Variants in CTIF observed in about 807,000 individuals in gnomAD.
CTIF encodes cap binding complex dependent translation initiation factor.
A neutral mutation model predicts 66.0 loss-of-function variants in CTIF; 21 were observed. The observed-to-expected ratio is 0.32, with a 90% CI of 0.23 to 0.46. The LOEUF is 0.46. Among genes scored for constraint, CTIF ranks in the 20% least tolerant of loss-of-function variants. CTIF has a pLI of 1.00. For missense variants in CTIF, 739 were observed against 812.7 expected (o/e 0.91, Z 1.10); for synonymous variants, 345 against 326.4 (o/e 1.06, Z -0.62).
intron 7 of CTIF, among the ~76,000 whole-genome samples, chr18:48,721,756 C>CA (rs201027171): frequency 3.3e-5 from 5 of 151,478 alleles, no homozygotes; most frequent in African/African-American, 4.9e-5. Flanking sequence ...TGCATCCCCC[C>CA]CTCTCTGTCC....
Position 48,616,550 on chromosome 18 carries a change from G to A in CTIF, c.-28-2988G>A, listed in dbSNP as rs141317430. 3.2e-3 allele frequency among the ~76,000 whole-genome samples: 482 copies of A among 152,282 alleles called. 1 individual carries two copies. Among genetic ancestry groups the A allele is most frequent in the African/African-American group, 0.01 (424 of 41,546 alleles). The stretch of plus-strand genomic sequence containing the variant: ...GTGCAGACCTGGAACTCTCCTGTGT[G>A]AACTTGGGCAAGTTACTTAATCTCT... On this transcript the variant is annotated intron_variant, in intron 1 of 11. Coordinates refer to ENST00000256413, the MANE Select transcript of CTIF (RefSeq NM_014772.3).
chr18:48,769,805 G>A (rs1297417036), intron 9 of CTIF, among the ~76,000 whole-genome samples: 2 of 152,208 alleles, frequency 1.3e-5, no homozygotes, highest in African/African-American at 2.4e-5. Context: ...TCTTCTCAAC[G>A]CTTATTGAGC....
rs1460175925 is a variant in CTIF at position 48,624,657 on chromosome 18, ACTGCTAGAGATG to A, written c.180+4914_180+4925del. ...TGAGAAATACTGATGTACAGGCCCC[ACTGCTAGAGATG>A]CAGGCAAAGGTGAGGGGCCTGGGCC... On this transcript the variant is annotated intron_variant, in intron 2 of 11. Coordinates refer to ENST00000256413, the MANE Select transcript of CTIF (RefSeq NM_014772.3). 4.6e-5 allele frequency among the ~76,000 whole-genome samples: 7 copies of A among 152,292 alleles called. No individual in the cohort carries two copies. In the East Asian group the frequency reaches 1.2e-3, roughly 25 times the overall value.
At chr18:48,816,687 C>G (rs1448416223) in intron 9 of CTIF, among the ~76,000 whole-genome samples, 1 of 152,176 alleles carries the variant, frequency 6.6e-6, no homozygotes, top group Non-Finnish European at 1.5e-5. Flanking sequence ...CGAATGAATG[C>G]CTAGGCCCCT....
Position 48,633,701 on chromosome 18 carries a change from CAATAAATAAATAAATA to C in CTIF, c.181-2889_181-2874del, listed in dbSNP as rs59134064. On this transcript the variant is annotated intron_variant, in intron 2 of 11. Transcript: ENST00000256413. ...TGGGCGACAGAATGAGCCTCCATCT[CAATAAATAAATAAATA>C]AATAAATAAATAAATAAATAAATGT... is the stretch of plus-strand genomic sequence containing the variant. Among the ~76,000 whole-genome samples the C allele has an allele frequency of 6.7e-4, 98 of 146,002 alleles. No homozygotes were observed. In the East Asian group the frequency reaches 7.2e-3, roughly 11 times the overall value.
At chr18:48,786,829 A>G (rs1270586665) in intron 9 of CTIF, among the ~76,000 whole-genome samples, 1 of 151,000 alleles carries the variant, frequency 6.6e-6, no homozygotes, top group African/African-American at 2.4e-5. Context: ...CTCTCCCACC[A>G]TGGTCATTAC....
chr18:48,588,503 C>G (rs879850086), intron 1 of CTIF, among the ~76,000 whole-genome samples: 1 of 152,196 alleles, frequency 6.6e-6, no homozygotes, highest in Non-Finnish European at 1.5e-5. Flanking sequence ...ATCTAGCTCG[C>G]GATCCTCATC....
At chr18:48,671,124 G>C (rs182131012) in intron 6 of CTIF, among the ~76,000 whole-genome samples, 285 of 152,322 alleles carry the variant, frequency 1.9e-3, no homozygotes, top group South Asian at 3.5e-3. Flanking sequence ...AGATTCTAAT[G>C]TGGCTGGGGC....
At chr18:48,735,692 G>A (rs777887010) in intron 7 of CTIF, among the ~76,000 whole-genome samples, 1 of 152,194 alleles carries the variant, frequency 6.6e-6, no homozygotes, top group Non-Finnish European at 1.5e-5. Flanking sequence ...TACCCATTTA[G>A]TTGGAGTCTT....
Position 48,711,604 on chromosome 18 carries a change from C to G in CTIF, c.508-15C>G. ...GGAGTTACTAATGATCCCCCTTCCT[C>G]CCCCCATGACACAGGGCTACCACCC... is the stretch of plus-strand genomic sequence containing the variant. On this transcript the variant is annotated splice_polypyrimidine_tract_variant and intron_variant, in intron 6 of 11. Coordinates refer to ENST00000256413, the MANE Select transcript of CTIF (RefSeq NM_014772.3). 1 of 1,609,598 alleles carries G rather than the reference C, an allele frequency of 6.2e-7. No individual in the cohort carries two copies. Among genetic ancestry groups the G allele is most frequent in the Non-Finnish European group, 8.5e-7 (1 of 1,176,232 alleles).
chr18:48,860,465 G>A lies in CTIF; in HGVS notation c.*906G>A, dbSNP rs569067852. On this transcript the variant is annotated 3_prime_UTR_variant, in exon 12 of 12. Transcript: ENST00000256413. ...ACTTCTGCCCCGGCGGGGGGTCCCC[G>A]CTGGAATCCTGTGTTCCTCGCCACT... The A allele has an allele frequency of 1.2e-4, 19 of 157,002 alleles. No individual in the cohort carries two copies. The South Asian group carries it at 3.6e-3, about 29-fold the overall frequency. 9.7% of individuals were successfully genotyped at this position (157,002 alleles called of 1,614,324 possible). A position where few individuals can be genotyped will look rare whatever the true frequency, so the allele number is the denominator to read the frequency against.
chr18:48,733,095 G>A lies in CTIF; in HGVS notation c.584+21400G>A, dbSNP rs77197455. 7.4e-3 allele frequency among the ~76,000 whole-genome samples: 1,120 copies of A among 152,228 alleles called. 9 individuals carry two copies. Among genetic ancestry groups the A allele is most frequent in the Non-Finnish European group, 0.012 (813 of 68,014 alleles). On this transcript the variant is annotated intron_variant, in intron 7 of 11. Coordinates refer to ENST00000256413, the MANE Select transcript of CTIF (RefSeq NM_014772.3). ...TTCATCATTAGTGCATGCTTATTTG[G>A]GTTAAAAATTCATAATCCCTGTGGT... is the stretch of plus-strand genomic sequence containing the variant.
At chr18:48,819,736 A>G (rs1290974474) in intron 10 of CTIF, among the ~76,000 whole-genome samples, 5 of 152,238 alleles carry the variant, frequency 3.3e-5, no homozygotes, top group Non-Finnish European at 5.9e-5. Context: ...GTCTTCTCCA[A>G]TTTGTAAAAG....
intron 3 of CTIF, among the ~76,000 whole-genome samples, chr18:48,646,907 A>G (rs2091044868): frequency 1.4e-5 from 2 of 138,720 alleles, no homozygotes; most frequent in Non-Finnish European, 3.2e-5. Flanking sequence ...GTTTCAAAAA[A>G]AAAAAAAAAA....
At chr18:48,637,606 T>G (rs1338393427) in intron 3 of CTIF, among the ~76,000 whole-genome samples, 1 of 152,154 alleles carries the variant, frequency 6.6e-6, no homozygotes, top group East Asian at 1.9e-4. Context: ...AGCTTCGGTC[T>G]CCTGGCAGAT....
At chr18:48,635,355 C>G (rs1465949979) in intron 2 of CTIF, among the ~76,000 whole-genome samples, 3 of 136,450 alleles carry the variant, frequency 2.2e-5, no homozygotes. Context: ...TTGAGGCTCA[C>G]TCTGTCACCC....
intron 7 of CTIF, among the ~76,000 whole-genome samples, chr18:48,742,473 C>A (rs1031650874): frequency 2.0e-5 from 3 of 152,224 alleles, no homozygotes; most frequent in Non-Finnish European, 4.4e-5. Flanking sequence ...CGTAGCAATG[C>A]CAGAGGAGGC....
intron 2 of CTIF, among the ~76,000 whole-genome samples, chr18:48,626,646 T>G (rs1351100765): frequency 4.9e-4 from 52 of 106,946 alleles, no homozygotes; most frequent in Non-Finnish European, 7.5e-4. Flanking sequence ...CACCTGGCCG[T>G]TTTTTTTTTG....
At chr18:48,578,594 A>G (rs1395354177) in intron 1 of CTIF, among the ~76,000 whole-genome samples, 1 of 152,126 alleles carries the variant, frequency 6.6e-6, no homozygotes, top group Non-Finnish European at 1.5e-5. Context: ...ACATCTTTTC[A>G]TGTGCTTTTT....
Sources: gnomAD v4.1 joint callset for allele counts (sites outside exome capture counted in the v4.1 genomes callset) on GRCh38, gnomAD v4.1.1 for gene constraint, MANE v1.5 for transcripts, NCBI Gene and HGNC (gene_info 2026-07-23, HGNC 2026-07-21) for gene names.